SORCS3: variants seen among roughly 807,000 people sequenced by gnomAD.
The protein encoded by SORCS3 is VPS10 domain-containing receptor SorCS3.
SORCS3 carries 57 observed loss-of-function variants against 146.3 expected under a neutral mutation model. The ratio of observed to expected loss-of-function variants is 0.39; its 90% CI spans 0.31 to 0.49. The LOEUF (loss-of-function observed/expected upper bound fraction) is 0.49. SORCS3 is among the 20% of genes least tolerant of loss of function. The pLI, the probability that SORCS3 is intolerant of heterozygous loss-of-function variation, is 0.92. For missense variants in SORCS3, 1,341 were observed against 1,575.5 expected (o/e 0.85, Z 2.52); for synonymous variants, 653 against 618.5 (o/e 1.06, Z -0.83).
intron 1 of SORCS3, among the ~76,000 whole-genome samples, chr10:104,789,419 A>G (rs1352966751): frequency 1.3e-5 from 2 of 152,128 alleles, no homozygotes; most frequent in Non-Finnish European, 2.9e-5. Context: ...GGTCCTTAAA[A>G]GGCATCTTGT....
intron 1 of SORCS3, among the ~76,000 whole-genome samples, chr10:104,789,234 C>A (rs746663297): frequency 4.1e-4 from 62 of 152,308 alleles, no homozygotes; most frequent in Non-Finnish European, 7.5e-4. Flanking sequence ...CTTTCTTGAA[C>A]ATTTCCAAGA....
At chr10:105,181,078 G>A (rs2056439780) in intron 14 of SORCS3, among the ~76,000 whole-genome samples, 1 of 152,168 alleles carries the variant, frequency 6.6e-6, no homozygotes, top group Non-Finnish European at 1.5e-5. Flanking sequence ...TTCCCATGAG[G>A]GAGGATCTTT....
At chr10:105,219,020 A>G (rs541863635) in intron 19 of SORCS3, among the ~76,000 whole-genome samples, 3 of 151,972 alleles carry the variant, frequency 2.0e-5, no homozygotes, top group African/African-American at 7.3e-5. Context: ...GTCTCAAAAA[A>G]AAATATATAT....
At chr10:104,873,224 G>T (rs565090117) in intron 2 of SORCS3, among the ~76,000 whole-genome samples, 4 of 152,348 alleles carry the variant, frequency 2.6e-5, no homozygotes, top group Admixed American at 1.3e-4. Flanking sequence ...AATGCAGAAT[G>T]CTGAATTTCT....
chr10:104,701,827 G>A (rs560132052), intron 1 of SORCS3, among the ~76,000 whole-genome samples: 15 of 151,956 alleles, frequency 9.9e-5, no homozygotes, highest in African/African-American at 1.7e-4. Flanking sequence ...TTCGGTATTG[G>A]GTAGAAAAAT....
chr10:104,906,702 C>T (rs574201963), intron 2 of SORCS3, among the ~76,000 whole-genome samples: 39 of 152,146 alleles, frequency 2.6e-4, no homozygotes, highest in African/African-American at 9.2e-4. Context: ...TTTGGTCTGC[C>T]TTTTTGAACG....
chr10:104,924,075 A>G (rs138449123), intron 3 of SORCS3, among the ~76,000 whole-genome samples: 129 of 152,318 alleles, frequency 8.5e-4, no homozygotes, highest in African/African-American at 2.9e-3. Context: ...ATTTGCTCAG[A>G]TTTGTTGCTG....
At chr10:105,014,929 A>G (rs2055156672) in intron 4 of SORCS3, among the ~76,000 whole-genome samples, 1 of 152,198 alleles carries the variant, frequency 6.6e-6, no homozygotes, top group African/African-American at 2.4e-5. Context: ...AGCCTCCATA[A>G]CTGTGAGAAG....
intron 3 of SORCS3, among the ~76,000 whole-genome samples, chr10:104,929,459 A>G (rs2019183647): frequency 6.6e-6 from 1 of 152,218 alleles, no homozygotes; most frequent in Admixed American, 6.5e-5. Context: ...AAATGAAAAC[A>G]ATAACAAACT....
intron 12 of SORCS3, 151 bp downstream of exon 12, chr10:105,164,530 G>T (rs1175666742): frequency 1.5e-6 from 1 of 662,450 alleles, no homozygotes; most frequent in East Asian, 2.7e-5. Flanking sequence ...TGGCTGGCAG[G>T]TTAGAGGGGT....
intron 6 of SORCS3, among the ~76,000 whole-genome samples, chr10:105,096,203 C>T (rs2055745622): frequency 6.6e-6 from 1 of 152,004 alleles, no homozygotes; most frequent in Admixed American, 6.5e-5. Context: ...AATGAAGTAT[C>T]TCCTGGGAAA....
chr10:104,865,840 G>A (rs555440642), intron 2 of SORCS3, among the ~76,000 whole-genome samples: 28 of 152,338 alleles, frequency 1.8e-4, no homozygotes, highest in African/African-American at 6.3e-4. Flanking sequence ...AACAGGCTTG[G>A]GGGTGGGAGG....
intron 3 of SORCS3, among the ~76,000 whole-genome samples, chr10:104,957,654 C>T (rs1335009383): frequency 6.6e-6 from 1 of 152,088 alleles, no homozygotes; most frequent in Non-Finnish European, 1.5e-5. Flanking sequence ...TTCAGTCCTT[C>T]CTCTCCTACC....
intron 4 of SORCS3, among the ~76,000 whole-genome samples, chr10:104,990,790 A>C (rs1564729806): frequency 6.6e-6 from 1 of 152,146 alleles, no homozygotes; most frequent in Non-Finnish European, 1.5e-5. Flanking sequence ...TTTGAAGATG[A>C]GGACTGGCTG....
chr10:105,098,457 G>A (rs2055761427), intron 6 of SORCS3, among the ~76,000 whole-genome samples: 1 of 152,216 alleles, frequency 6.6e-6, no homozygotes, highest in South Asian at 2.1e-4. Context: ...GAGTGACCCA[G>A]TGTGTAGATT....
In SORCS3 at chr10:105,194,722, A is replaced by C. The variant is rs1268777763; in HGVS notation, c.2010-5277A>C. The stretch of plus-strand genomic sequence containing the variant: ...AAGTACTAAAAGTATCCCCAGGCTT[A>C]AGAAGCTTTTTAATTAGTTGACAAA... On this transcript the variant is annotated intron_variant, in intron 14 of 26. Transcript: ENST00000369701. 2.0e-5 allele frequency among the ~76,000 whole-genome samples: 3 copies of C among 152,156 alleles called. No individual in the cohort carries two copies. In the East Asian group the frequency reaches 5.8e-4, roughly 29 times the overall value.
intron 7 of SORCS3, among the ~76,000 whole-genome samples, chr10:105,107,019 GTCAGTGAGC>G (rs998441246): frequency 2.8e-4 from 42 of 152,276 alleles, no homozygotes; most frequent in African/African-American, 1.0e-3. Context: ...TGACTTTCAA[GTCAGTGAGC>G]TGTGACCTCA....
chr10:105,002,334 C>T (rs551248849), intron 4 of SORCS3, among the ~76,000 whole-genome samples: 1 of 152,284 alleles, frequency 6.6e-6, no homozygotes, highest in African/African-American at 2.4e-5. Context: ...ATTCTTCCCA[C>T]AAACATTTAT....
At chr10:105,194,460 G>T (rs749393111) in intron 14 of SORCS3, among the ~76,000 whole-genome samples, 20 of 152,134 alleles carry the variant, frequency 1.3e-4, no homozygotes, top group Non-Finnish European at 2.5e-4. Context: ...TCAAAAGGGG[G>T]CTAGCAATGG....
Sources: allele counts gnomAD v4.1 joint callset (sites outside exome capture counted in the v4.1 genomes callset), GRCh38; gene constraint gnomAD v4.1.1; transcripts MANE v1.5; gene names NCBI Gene and HGNC (gene_info 2026-07-23, HGNC 2026-07-21).